FNTB: variants seen among roughly 807,000 people sequenced by gnomAD.
FNTB encodes protein farnesyltransferase subunit beta.
In FNTB, 27 loss-of-function variants were observed where a neutral mutation model predicts 59.4. The ratio of observed to expected loss-of-function variants is 0.45; its 90% CI spans 0.34 to 0.63. FNTB has a LOEUF of 0.63. Among genes scored for constraint, FNTB ranks in the 20% least tolerant of loss-of-function variants. The pLI is 0.02. For synonymous variants in FNTB, 230 were observed against 220.7 expected (o/e 1.04, Z -0.37); for missense variants, 449 against 559.6 (o/e 0.80, Z 1.99).
rs138284721 is a variant in FNTB at position 65,007,028 on chromosome 14, A to G, written c.209+2715A>G. On this transcript the variant is annotated intron_variant, in intron 2 of 11. Coordinates refer to ENST00000246166, the MANE Select transcript of FNTB (RefSeq NM_002028.4). The surrounding 1 kb of genome is among the most constrained non-coding windows in gnomAD (Gnocchi z 4.9). ...CTGGGTTAGTTTCAGGAATTTCACA[A>G]TTACCCGTTTTTATCATTGTTGCCT... is the stretch of plus-strand genomic sequence containing the variant. 3.4e-3 allele frequency among the ~76,000 whole-genome samples: 515 copies of G among 152,274 alleles called. 1 individual carries two copies. Among genetic ancestry groups the G allele is most frequent in the African/African-American group, 0.012 (489 of 41,560 alleles).
chr14:64,989,979 C>G (rs1484406513), intron 1 of FNTB, among the ~76,000 whole-genome samples: 1 of 152,064 alleles, frequency 6.6e-6, no homozygotes, highest in East Asian at 1.9e-4. Context: ...AAGGGGAACC[C>G]TCTGGTGACA....
intron 7 of FNTB, among the ~76,000 whole-genome samples, chr14:65,038,916 T>C (rs1367420584): frequency 6.6e-6 from 1 of 152,224 alleles, no homozygotes; most frequent in Non-Finnish European, 1.5e-5. Flanking sequence ...TCTTGTTCTT[T>C]TCTGGGGATA....
chr14:65,038,389 G>T (rs1448234586), intron 7 of FNTB, among the ~76,000 whole-genome samples: 1 of 147,668 alleles, frequency 6.8e-6, no homozygotes, highest in African/African-American at 2.5e-5. Flanking sequence ...CAGCCCAGGT[G>T]ACAGTGTGAG....
At chr14:64,987,198 G>T (rs141650345) in intron 1 of FNTB, 101 bp downstream of exon 1, 29 of 1,371,300 alleles carry the variant, frequency 2.1e-5, no homozygotes, top group African/African-American at 7.1e-5. Flanking sequence ...GGGGAACTAC[G>T]ACTCCCACAG....
chr14:65,022,628 A>G (rs1037929776), intron 4 of FNTB, among the ~76,000 whole-genome samples: 13 of 152,082 alleles, frequency 8.5e-5, no homozygotes, highest in East Asian at 7.7e-4. Context: ...TGGCCTCCCA[A>G]AGTCTAGGGA....
intron 1 of FNTB, chr14:64,987,445 T>C: frequency 5.8e-6 from 2 of 343,238 alleles, no homozygotes; most frequent in South Asian, 6.2e-5. Context: ...CTTCGGGAGG[T>C]TCTGGGGTGC....
At chr14:65,004,000 T>A (rs560668385) in intron 1 of FNTB, among the ~76,000 whole-genome samples, 1 of 152,326 alleles carries the variant, frequency 6.6e-6, no homozygotes, top group African/African-American at 2.4e-5. Flanking sequence ...ACACCAAAAC[T>A]GCCATTAGTT....
intron 4 of FNTB, among the ~76,000 whole-genome samples, chr14:65,019,053 CCGGCTCCTACT>C (rs1266245946): frequency 3.0e-4 from 46 of 152,194 alleles, no homozygotes; most frequent in Middle Eastern, 3.4e-3. Flanking sequence ...TACTGCACTC[CCGGCTCCTACT>C]CAGGAGGCTG....
chr14:65,030,482 TA>T lies in FNTB; in HGVS notation c.606-2126del, dbSNP rs1411035032. Among the ~76,000 whole-genome samples, 1 of 152,220 alleles carries T rather than the reference TA, an allele frequency of 6.6e-6. No homozygotes were observed. On this transcript the variant is annotated intron_variant, in intron 6 of 11. Coordinates refer to ENST00000246166, the MANE Select transcript of FNTB (RefSeq NM_002028.4). The surrounding 1 kb of genome is among the most constrained non-coding windows in gnomAD (Gnocchi z 4.5). ...GCCGAGCGGCAGTGGCTCATGTCTGTAATCTCAACACTTTGAGAGACTGAGA... is the reference window on the plus strand; with the variant it reads ...GCCGAGCGGCAGTGGCTCATGTCTGTATCTCAACACTTTGAGAGACTGAGA...
rs201126999 is a variant in FNTB at position 65,037,741 on chromosome 14, ATTATTTATTTATTTAT to A, written c.693-3007_693-2992del. ...TGCCCAGCCTCTTATTTATTTATTT[ATTATTTATTTATTTAT>A]TTATTTATTTATTTATTTATTTATT... On this transcript the variant is annotated intron_variant, in intron 7 of 11. Coordinates refer to ENST00000246166, the MANE Select transcript of FNTB (RefSeq NM_002028.4). Among the ~76,000 whole-genome samples, 489 of 132,656 alleles carry A rather than the reference ATTATTTATTTATTTAT, an allele frequency of 3.7e-3. 4 individuals are homozygous for A. Among genetic ancestry groups the A allele is most frequent in the South Asian group, 0.012 (51 of 4,154 alleles). The allele number at this position is 132,656 out of a possible 152,430, so 87.0% of individuals were successfully genotyped here.
intron 9 of FNTB, among the ~76,000 whole-genome samples, chr14:65,045,086 G>A (rs1055270638): frequency 2.0e-5 from 3 of 152,134 alleles, no homozygotes; most frequent in Non-Finnish European, 2.9e-5. Flanking sequence ...AAATGGGAAC[G>A]CAAAACCGAA....
Position 65,054,508 on chromosome 14 carries a change from G to A in FNTB, c.1068-67G>A, listed in dbSNP as rs1003095963. ...GATTGCACCAGTGGTCTCTGAATTG[G>A]TGTGGCTACATTTGTAGATGTGTGC... is the stretch of plus-strand genomic sequence containing the variant. On this transcript the variant is annotated intron_variant, in intron 10 of 11. Transcript: ENST00000246166. The surrounding 1 kb of genome is among the most constrained non-coding windows in gnomAD (Gnocchi z 4.4). 5 of 1,490,988 alleles carry A rather than the reference G, an allele frequency of 3.4e-6. No individual in the cohort carries two copies. The African/African-American group carries it at 5.5e-5, about 17-fold the overall frequency. The allele number at this position is 1,490,988 out of a possible 1,614,324, so 92.4% of individuals were successfully genotyped here. A position where few individuals can be genotyped will look rare whatever the true frequency, so the allele number is the denominator to read the frequency against.
At chr14:65,046,457 CAA>C (rs1172877951) in intron 9 of FNTB, among the ~76,000 whole-genome samples, 2 of 152,202 alleles carry the variant, frequency 1.3e-5, no homozygotes, top group Non-Finnish European at 2.9e-5. Context: ...CACCACCTGT[CAA>C]AGTCTTCCAG....
chr14:65,043,802 C>A lies in FNTB; in HGVS notation c.823-509C>A, dbSNP rs537521241. ...GCGCCACTGCAGTCCGCAGTCCGGCCTGGGCGACAGAGCGAGACTCCGTCT... is the reference window on the plus strand; with the variant it reads ...GCGCCACTGCAGTCCGCAGTCCGGCATGGGCGACAGAGCGAGACTCCGTCT... On this transcript the variant is annotated intron_variant, in intron 8 of 11. Transcript: ENST00000246166. 6.6e-3 allele frequency among the ~76,000 whole-genome samples: 817 copies of A among 124,232 alleles called. 10 individuals are homozygous for A. Among genetic ancestry groups the A allele is most frequent in the African/African-American group, 0.023 (769 of 33,316 alleles). 81.5% of individuals were successfully genotyped at this position (124,232 alleles called of 152,430 possible).
At position 65,044,664 on chromosome 14, in the gene FNTB, G is replaced by A. The variant is rs755920502; in HGVS notation, c.955+221G>A. 51 of 681,930 alleles carry A rather than the reference G, an allele frequency of 7.5e-5. No homozygotes were observed. Among genetic ancestry groups the A allele is most frequent in the Admixed American group, 2.6e-4 (6 of 23,496 alleles). The allele number at this position is 681,930 out of a possible 1,614,324, so 42.2% of individuals were successfully genotyped here. ...TTCTTTGCTTCTTCAAATTGGCTGCGACAGAATGAGCTTCCTTGAAATTGC... is the reference window on the plus strand; with the variant it reads ...TTCTTTGCTTCTTCAAATTGGCTGCAACAGAATGAGCTTCCTTGAAATTGC... On this transcript the variant is annotated intron_variant, in intron 9 of 11. Coordinates refer to ENST00000246166, the MANE Select transcript of FNTB (RefSeq NM_002028.4). The surrounding 1 kb of genome is among the most constrained non-coding windows in gnomAD (Gnocchi z 5.5).
chr14:65,005,457 CTTTCTTTCTTTCTT>C (rs1359341892), intron 2 of FNTB, among the ~76,000 whole-genome samples: 2 of 91,102 alleles, frequency 2.2e-5, no homozygotes, highest in East Asian at 7.2e-4. Context: ...TCTTTTCTTT[CTTTCTTTCTTTCTT>C]TCTTTCTTTC....
chr14:65,050,322 G>A (rs774431497), intron 9 of FNTB, among the ~76,000 whole-genome samples: 4 of 152,324 alleles, frequency 2.6e-5, no homozygotes, highest in African/African-American at 9.6e-5. Context: ...CTGGCCGGGC[G>A]TGGTGGCTCA....
intron 11 of FNTB, among the ~76,000 whole-genome samples, chr14:65,060,651 C>T (rs1282727833): frequency 1.0e-5 from 1 of 99,000 alleles, no homozygotes; most frequent in Admixed American, 8.6e-5. Flanking sequence ...AGCCGAGATC[C>T]CGCCACTGCA....
At chr14:65,008,682 C>T (rs899569460) in intron 2 of FNTB, among the ~76,000 whole-genome samples, 1 of 152,152 alleles carries the variant, frequency 6.6e-6, no homozygotes, top group African/African-American at 2.4e-5. Flanking sequence ...GTGCTAAAGC[C>T]AGGAGACTGA....
Sources: allele counts gnomAD v4.1 joint callset (sites outside exome capture counted in the v4.1 genomes callset), GRCh38; gene constraint gnomAD v4.1.1; non-coding constraint Gnocchi (gnomAD v3.1); transcripts MANE v1.5; gene names NCBI Gene and HGNC (gene_info 2026-07-23, HGNC 2026-07-21).